PCDHA10: variants seen among roughly 807,000 people sequenced by gnomAD.
PCDHA10 encodes the protein protocadherin alpha-10.
In PCDHA10, 45 loss-of-function variants were observed where a neutral mutation model predicts 61.2. The observed-to-expected ratio is 0.74, with a 90% confidence interval of 0.58 to 0.94. The LOEUF is 0.94. Ranked by LOEUF, PCDHA10 falls within the 40% of genes least tolerant of loss-of-function variation. The pLI is 0.00. For synonymous variants in PCDHA10, 602 were observed against 548.8 expected (o/e 1.10, Z -1.35); for missense variants, 1,278 against 1,236.2 (o/e 1.03, Z -0.51).
At position 140,857,319 on chromosome 5, in the gene PCDHA10, T is replaced by A; in HGVS notation, c.1271T>A (p.Val424Glu). 1.9e-6 allele frequency: 3 copies of A among 1,598,650 alleles called. No homozygotes were observed. The highest frequency in any genetic ancestry group is 2.6e-6 in the Non-Finnish European group (3 of 1,167,986). ...RERVSAYELV[V>E]TARDGGSPPL... Reference sequence around the variant, plus strand: ...AGGGTGTCGGCCTATGAGCTGGTGGTGACCGCGCGGGACGGGGGCTCGCCT... The same window carrying A: ...AGGGTGTCGGCCTATGAGCTGGTGGAGACCGCGCGGGACGGGGGCTCGCCT... The change falls in exon 1 of 4, where the codon GTG becomes GAG. Residue 424 changes from valine to glutamate, a missense_variant. Coordinates refer to ENST00000307360, the MANE Select transcript of PCDHA10 (RefSeq NM_018901.4).
intron 1 of PCDHA10, chr5:140,968,024 A>C: frequency 1.2e-6 from 2 of 1,614,178 alleles, no homozygotes; most frequent in Non-Finnish European, 1.7e-6. Flanking sequence ...AAACTCCTAT[A>C]CACTGGTGGT....
intron 1 of PCDHA10, chr5:140,967,642 C>T (rs1554229731): frequency 1.2e-6 from 2 of 1,614,164 alleles, no homozygotes. Flanking sequence ...ATGGTGAGCT[C>T]AGGTACTCCT....
At chr5:140,967,915 T>C in intron 1 of PCDHA10, 1 of 1,614,148 alleles carries the variant, frequency 6.2e-7, no homozygotes, top group Non-Finnish European at 8.5e-7. Context: ...CCAACACCAT[T>C]GTGGCCGTTC....
At chr5:140,869,799 C>T (rs781959839) in intron 1 of PCDHA10, 1 of 1,612,706 alleles carries the variant, frequency 6.2e-7, no homozygotes, top group Non-Finnish European at 8.5e-7. Flanking sequence ...TAGTCCAAGT[C>T]TTGGATGTCA....
chr5:140,872,452 T>G (rs1459875737), intron 1 of PCDHA10, among the ~76,000 whole-genome samples: 1 of 151,968 alleles, frequency 6.6e-6, no homozygotes, highest in East Asian at 1.9e-4. Context: ...CATAGCGAGA[T>G]CCTGTCTCTA....
rs150544958 is a variant in PCDHA10, at chr5:140,940,065, T to C, written c.2389-38884T>C. ...TATTAGATTCTTAACCAAATATAAA[T>C]ATGTGATATCTTTCTGCTAAATTGA... On this transcript the variant is annotated intron_variant, in intron 1 of 3. Coordinates refer to ENST00000307360, the MANE Select transcript of PCDHA10 (RefSeq NM_018901.4). Among the ~76,000 whole-genome samples the C allele has an allele frequency of 2.1e-3, 313 of 152,364 alleles. 1 individual carries two copies. Among genetic ancestry groups the C allele is most frequent in the African/African-American group, 7.1e-3 (295 of 41,596 alleles).
Position 140,857,975 on chromosome 5 carries a change from C to T in PCDHA10, c.1927C>T (p.Arg643Cys), listed in dbSNP as rs782181380. The T allele has an allele frequency of 7.5e-6, 12 of 1,596,906 alleles. 2 individuals are homozygous for T. In the Admixed American group the frequency reaches 1.0e-4, roughly 14 times the overall value. Residue 643 changes from arginine (R) to cysteine (C), a missense_variant, in exon 1 of 4, where the codon CGC becomes TGC. By Grantham distance (180) the Arg-to-Cys change is radical (BLOSUM62 -3). Coordinates refer to ENST00000307360, the MANE Select transcript of PCDHA10 (RefSeq NM_018901.4). ...CGCTCTGGATGAGACTGACTCGCCA[C>T]GCCAGCGCCTACTGGTGCTGGTGAA... ...TRALDETDSP[R>C]QRLLVLVKDH...
chr5:140,895,665 A>G (rs782373926), intron 1 of PCDHA10, among the ~76,000 whole-genome samples: 1 of 152,114 alleles, frequency 6.6e-6, no homozygotes, highest in Non-Finnish European at 1.5e-5. Flanking sequence ...AAGTGAGAAC[A>G]TGTAGTATTT....
intron 3 of PCDHA10, among the ~76,000 whole-genome samples, chr5:141,004,751 T>C (rs1323540564): frequency 2.0e-5 from 3 of 152,182 alleles, no homozygotes; most frequent in African/African-American, 7.2e-5. Flanking sequence ...TCTCAGTCTC[T>C]TAGAGACAGG....
In PCDHA10 at chr5:140,969,369, C is replaced by A. The variant is rs782020561; in HGVS notation, c.2389-9580C>A. The A allele has an allele frequency of 1.3e-5, 21 of 1,607,718 alleles. 2 individuals carry two copies. In the South Asian group the frequency reaches 2.3e-4, roughly 18 times the overall value. ...TCAGGGGGTCTTCTACAAACTCATG[C>A]ATTTGTTACACATCCCCCAATATCC... is the stretch of plus-strand genomic sequence containing the variant. On this transcript the variant is annotated intron_variant, in intron 1 of 3. Transcript: ENST00000307360.
rs782790207 is a variant in PCDHA10 at position 140,856,971 on chromosome 5, A to C, written c.923A>C (p.Asp308Ala). The change falls in exon 1 of 4, where the codon GAC (aspartate) becomes GCC (alanine). Residue 308 changes from aspartate to alanine, a missense_variant. Transcript: ENST00000307360. Reference protein sequence around the residue: ...TGEIKVNDAIDFEDSNTYEIH... With the variant: ...TGEIKVNDAIAFEDSNTYEIH... Reference sequence around the variant, plus strand: ...GAAATAAAAGTAAATGATGCTATTGACTTTGAGGACAGTAACACTTATGAA... The same window carrying C: ...GAAATAAAAGTAAATGATGCTATTGCCTTTGAGGACAGTAACACTTATGAA... The C allele has an allele frequency of 6.3e-7, 1 of 1,594,450 alleles. No individual in the cohort carries two copies. Among genetic ancestry groups the C allele is most frequent in the East Asian group, 2.2e-5 (1 of 44,848 alleles).
At chr5:140,934,029 T>A (rs1267400545) in intron 1 of PCDHA10, among the ~76,000 whole-genome samples, 1 of 152,114 alleles carries the variant, frequency 6.6e-6, no homozygotes, top group Admixed American at 6.5e-5. Flanking sequence ...GGAAGTAGTT[T>A]ATTAATGATA....
At chr5:140,961,252 C>T (rs1185090498) in intron 1 of PCDHA10, among the ~76,000 whole-genome samples, 1 of 152,158 alleles carries the variant, frequency 6.6e-6, no homozygotes, top group African/African-American at 2.4e-5. Context: ...TTATCCGAAG[C>T]TCCAGGAAGC....
Position 141,003,903 on chromosome 5 carries a change from G to C in PCDHA10, c.2537-5724G>C, listed in dbSNP as rs150270772. Among the ~76,000 whole-genome samples, 254 of 152,194 alleles carry C rather than the reference G, an allele frequency of 1.7e-3. 1 individual carries two copies. Among genetic ancestry groups the C allele is most frequent in the Non-Finnish European group, 3.4e-3 (231 of 67,998 alleles). ...AGCCTCTTAACAGGCCCATTCATTT[G>C]GGTCTTGACTGCATCCTCAGTCTTG... On this transcript the variant is annotated intron_variant, in intron 3 of 3. Coordinates refer to ENST00000307360, the MANE Select transcript of PCDHA10 (RefSeq NM_018901.4).
At chr5:140,960,208 C>T (rs1295278624) in intron 1 of PCDHA10, among the ~76,000 whole-genome samples, 2 of 151,976 alleles carry the variant, frequency 1.3e-5, no homozygotes, top group Non-Finnish European at 2.9e-5. Flanking sequence ...GATGTTATTT[C>T]AGGATCTCAA....
At chr5:140,926,018 G>C (rs1489789521) in intron 1 of PCDHA10, among the ~76,000 whole-genome samples, 1 of 152,122 alleles carries the variant, frequency 6.6e-6, no homozygotes, top group Non-Finnish European at 1.5e-5. Context: ...CCAGAGTCCG[G>C]AGGCAGTTTG....
intron 1 of PCDHA10, among the ~76,000 whole-genome samples, chr5:140,914,408 T>C (rs917953173): frequency 6.6e-6 from 1 of 152,224 alleles, no homozygotes; most frequent in Non-Finnish European, 1.5e-5. Context: ...GCTCCTGTTT[T>C]GTTTCCATTA....
intron 3 of PCDHA10, among the ~76,000 whole-genome samples, chr5:140,996,269 T>C (rs1183604392): frequency 6.6e-6 from 1 of 152,194 alleles, no homozygotes; most frequent in East Asian, 1.9e-4. Context: ...GAGCCTGGGA[T>C]TGCTGCCAAA....
intron 2 of PCDHA10, among the ~76,000 whole-genome samples, chr5:140,980,413 T>C (rs1218867656): frequency 6.6e-6 from 1 of 152,086 alleles, no homozygotes; most frequent in Admixed American, 6.6e-5. Context: ...GGGCAGATCA[T>C]GAGGTCAAGA....
Sources: gnomAD v4.1 joint callset for allele counts (sites outside exome capture counted in the v4.1 genomes callset) on GRCh38, gnomAD v4.1.1 for gene constraint, MANE v1.5 for transcripts, NCBI Gene and HGNC (gene_info 2026-07-23, HGNC 2026-07-21) for gene names.